The following BMP6 variants were observed in gnomAD, a reference collection of about 807,000 sequenced individuals.
BMP6 encodes VG-1-R.
In BMP6, 17 loss-of-function variants were observed where a neutral mutation model predicts 54.1. That is an observed-to-expected ratio of 0.31 (90% CI 0.22 to 0.47). BMP6 has a LOEUF of 0.47. Among genes scored for constraint, BMP6 ranks in the 20% least tolerant of loss-of-function variants. The probability of loss-of-function intolerance (pLI) is 1.00; values close to 1 mark genes in which losing one functional copy is unlikely to be tolerated. For missense variants in BMP6, 720 were observed against 690.4 expected (o/e 1.04, Z -0.48); for synonymous variants, 328 against 291.2 (o/e 1.13, Z -1.28).
At chr6:7,867,325 G>T (rs1310530064) in intron 4 of BMP6, among the ~76,000 whole-genome samples, 1 of 152,156 alleles carries the variant, frequency 6.6e-6, no homozygotes, top group Non-Finnish European at 1.5e-5. Context: ...AAGCTTCCCG[G>T]TTGGGACTAT....
intron 2 of BMP6, among the ~76,000 whole-genome samples, chr6:7,853,595 C>T (rs565139964): frequency 6.6e-6 from 1 of 152,116 alleles, no homozygotes; most frequent in Non-Finnish European, 1.5e-5. Context: ...TGGGAGAACA[C>T]TATATTATAG....
chr6:7,781,180 T>G (rs1757936850), intron 1 of BMP6, among the ~76,000 whole-genome samples: 3 of 152,254 alleles, frequency 2.0e-5, no homozygotes, highest in Admixed American at 2.0e-4. Context: ...AGAGACTGTT[T>G]ATATTCTGCT....
chr6:7,859,489 G>C (rs894808350), intron 2 of BMP6, among the ~76,000 whole-genome samples: 8 of 152,040 alleles, frequency 5.3e-5, no homozygotes, highest in Middle Eastern at 3.4e-3. Context: ...TTCTGCCCGT[G>C]ACACCGATGT....
chr6:7,820,319 C>T (rs1758586815), intron 1 of BMP6, among the ~76,000 whole-genome samples: 1 of 152,192 alleles, frequency 6.6e-6, no homozygotes, highest in African/African-American at 2.4e-5. Context: ...CTAAGACTTT[C>T]ACCTCAAGAT....
intron 1 of BMP6, among the ~76,000 whole-genome samples, chr6:7,729,782 G>A (rs1761819326): frequency 6.6e-6 from 1 of 152,182 alleles, no homozygotes. Flanking sequence ...TTACGTGGGA[G>A]GTAGGGGGGA....
intron 1 of BMP6, among the ~76,000 whole-genome samples, chr6:7,812,026 G>A (rs892477319): frequency 5.3e-5 from 8 of 152,204 alleles, no homozygotes; most frequent in Non-Finnish European, 7.3e-5. Context: ...AATGGAGAGA[G>A]CAGGGTGGGG....
At chr6:7,815,816 G>A (rs545611739) in intron 1 of BMP6, among the ~76,000 whole-genome samples, 107 of 152,318 alleles carry the variant, frequency 7.0e-4, no homozygotes, top group African/African-American at 2.5e-3. Context: ...GATGTGCTTC[G>A]TGTTAACATT....
At chr6:7,781,011 A>G (rs1757934965) in intron 1 of BMP6, among the ~76,000 whole-genome samples, 1 of 152,122 alleles carries the variant, frequency 6.6e-6, no homozygotes, top group Non-Finnish European at 1.5e-5. Context: ...GCGCCCAGCT[A>G]ACAACTCTTT....
At chr6:7,817,699 T>G (rs1340990307) in intron 1 of BMP6, among the ~76,000 whole-genome samples, 2 of 151,918 alleles carry the variant, frequency 1.3e-5, no homozygotes, top group Admixed American at 6.6e-5. Flanking sequence ...ATTGTGCACA[T>G]GTACCCTAGA....
intron 1 of BMP6, among the ~76,000 whole-genome samples, chr6:7,742,526 C>T (rs547509503): frequency 1.3e-5 from 2 of 152,222 alleles, no homozygotes; most frequent in African/African-American, 4.8e-5. Flanking sequence ...AGTCACTTAG[C>T]TCCCCGCTAG....
intron 1 of BMP6, among the ~76,000 whole-genome samples, chr6:7,772,070 A>T (rs1413149512): frequency 6.6e-6 from 1 of 151,736 alleles, no homozygotes; most frequent in Non-Finnish European, 1.5e-5. Context: ...AAACCAAAAA[A>T]ACAAAAAAAA....
intron 1 of BMP6, among the ~76,000 whole-genome samples, chr6:7,810,038 T>C (rs1423899036): frequency 6.6e-6 from 1 of 152,234 alleles, no homozygotes; most frequent in East Asian, 1.9e-4. Flanking sequence ...ACCATTTTTT[T>C]AAAACAAAGA....
At chr6:7,816,769 T>G (rs1182308674) in intron 1 of BMP6, among the ~76,000 whole-genome samples, 1 of 152,196 alleles carries the variant, frequency 6.6e-6, no homozygotes, top group Non-Finnish European at 1.5e-5. Flanking sequence ...AACCCTTTAA[T>G]GTCAGTTTTC....
At chr6:7,815,643 A>G (rs1399392515) in intron 1 of BMP6, among the ~76,000 whole-genome samples, 1 of 152,252 alleles carries the variant, frequency 6.6e-6, no homozygotes, top group Non-Finnish European at 1.5e-5. Flanking sequence ...AGGATCACAC[A>G]GTTGAATTAC....
At chr6:7,727,756 C>T in intron 1 of BMP6, 137 bp downstream of exon 1, 2 of 1,105,710 alleles carry the variant, frequency 1.8e-6, no homozygotes, top group Non-Finnish European at 1.2e-6. Flanking sequence ...CGGGGACAGG[C>T]AGGCTGTGCT....
At chr6:7,847,899 T>A (rs1462479438) in intron 2 of BMP6, among the ~76,000 whole-genome samples, 4 of 152,244 alleles carry the variant, frequency 2.6e-5, no homozygotes, top group Admixed American at 2.6e-4. Flanking sequence ...CTTGATACTT[T>A]ACTCAAAAGT....
chr6:7,753,230 C>T (rs377640711), intron 1 of BMP6, among the ~76,000 whole-genome samples: 75 of 152,322 alleles, frequency 4.9e-4, no homozygotes, highest in African/African-American at 1.7e-3. Flanking sequence ...AAAGTGACTT[C>T]GCCCCAAGTC....
At chr6:7,806,512 G>A (rs1363768050) in intron 1 of BMP6, among the ~76,000 whole-genome samples, 1 of 151,896 alleles carries the variant, frequency 6.6e-6, no homozygotes, top group Non-Finnish European at 1.5e-5. Context: ...TTGTAATTGC[G>A]TGAATGTATT....
chr6:7,786,599 C>T (rs1356487601), intron 1 of BMP6, among the ~76,000 whole-genome samples: 1 of 151,998 alleles, frequency 6.6e-6, no homozygotes, highest in East Asian at 1.9e-4. Context: ...TACAGGCAGG[C>T]CATCGACTTA....
Sources: allele counts gnomAD v4.1 joint callset (sites outside exome capture counted in the v4.1 genomes callset), GRCh38; gene constraint gnomAD v4.1.1; transcripts MANE v1.5; gene names NCBI Gene and HGNC (gene_info 2026-07-23, HGNC 2026-07-21).